The following NALCN variants were observed in gnomAD, a reference collection of about 807,000 sequenced individuals.
NALCN encodes the protein sodium leak channel, non-selective.
A neutral mutation model predicts 225.3 loss-of-function variants in NALCN; 111 were observed. The observed-to-expected ratio is 0.49, with a 90% confidence interval of 0.42 to 0.58. The LOEUF is 0.58. Ranked by LOEUF, NALCN falls within the 20% of genes least tolerant of loss-of-function variation. NALCN has a pLI of 0.00. For synonymous variants in NALCN, 764 were observed against 769.0 expected (o/e 0.99, Z 0.11); for missense variants, 1,378 against 2,202.4 (o/e 0.63, Z 7.49).
At chr13:101,241,391 C>A (rs868700034) in intron 11 of NALCN, among the ~76,000 whole-genome samples, 1 of 152,112 alleles carries the variant, frequency 6.6e-6, no homozygotes, top group Non-Finnish European at 1.5e-5. Flanking sequence ...TCCAACCCCA[C>A]GAGTGGGCAG....
intron 7 of NALCN, among the ~76,000 whole-genome samples, chr13:101,331,378 G>T (rs1193597238): frequency 6.6e-6 from 1 of 152,034 alleles, no homozygotes; most frequent in Non-Finnish European, 1.5e-5. Flanking sequence ...GAAATATTAG[G>T]TATAAAAATT....
chr13:101,323,779 A>G (rs1432400867), intron 7 of NALCN, among the ~76,000 whole-genome samples: 1 of 152,168 alleles, frequency 6.6e-6, no homozygotes, highest in Non-Finnish European at 1.5e-5. Flanking sequence ...AAACAGTCAC[A>G]TGTACTAACA....
At position 101,292,469 on chromosome 13, in the gene NALCN, T is replaced by A; in HGVS notation, c.800-103A>T. On this transcript the variant is annotated intron_variant, in intron 7 of 43. Coordinates refer to ENST00000251127, the MANE Select transcript of NALCN (RefSeq NM_052867.4). The surrounding 1 kb of genome is among the most constrained non-coding windows in gnomAD (Gnocchi z 4.3). ...TATTTATCCATACTTATTTTCTCAA[T>A]GACAAAAGTGCTTCAAAAATTGATT... 2.5e-6 allele frequency: 3 copies of A among 1,211,114 alleles called. No individual in the cohort carries two copies. Among genetic ancestry groups the A allele is most frequent in the Non-Finnish European group, 3.4e-6 (3 of 888,720 alleles). 75.0% of individuals were successfully genotyped at this position (1,211,114 alleles called of 1,614,324 possible). A position where few individuals can be genotyped will look rare whatever the true frequency, so the allele number is the denominator to read the frequency against.
intron 13 of NALCN, among the ~76,000 whole-genome samples, chr13:101,194,450 G>T (rs1402273971): frequency 6.6e-6 from 1 of 152,104 alleles, no homozygotes; most frequent in Non-Finnish European, 1.5e-5. Context: ...TTGCTTGAAG[G>T]GTGCCTTATC....
chr13:101,259,017 A>ATTTATTTTTT (rs1364364033), intron 10 of NALCN, among the ~76,000 whole-genome samples: 6 of 152,216 alleles, frequency 3.9e-5, no homozygotes, highest in Non-Finnish European at 8.8e-5. Flanking sequence ...AAGTAAGAGA[A>ATTTATTTTTT]ACCTGAGATT....
chr13:101,193,152 G>A (rs116830579), intron 13 of NALCN, among the ~76,000 whole-genome samples: 2 of 148,300 alleles, frequency 1.3e-5, no homozygotes, highest in African/African-American at 5.0e-5. Context: ...AAGATGTTAA[G>A]TGATTATCCC....
intron 14 of NALCN, among the ~76,000 whole-genome samples, chr13:101,184,398 T>C (rs1039027978): frequency 6.6e-5 from 10 of 152,236 alleles, no homozygotes; most frequent in Non-Finnish European, 1.5e-5. Context: ...ATATTCTTTA[T>C]GACGCTCCTC....
chr13:101,142,790 C>T, intron 17 of NALCN: 1 of 396,004 alleles, frequency 2.5e-6, no homozygotes, highest in Non-Finnish European at 4.8e-6. Context: ...CTTGGAGATC[C>T]CAGCCCTTTA....
chr13:101,147,334 C>T (rs1385062613), intron 15 of NALCN, among the ~76,000 whole-genome samples: 2 of 150,264 alleles, frequency 1.3e-5, no homozygotes, highest in Non-Finnish European at 2.9e-5. Context: ...ATTCCACTGC[C>T]TTTTTCTTCC....
intron 6 of NALCN, among the ~76,000 whole-genome samples, chr13:101,358,776 C>A (rs2046137560): frequency 6.6e-6 from 1 of 152,132 alleles, no homozygotes; most frequent in Non-Finnish European, 1.5e-5. Flanking sequence ...TTTACAATAG[C>A]AAAGACACGG....
chr13:101,186,665 A>C (rs1251341228), intron 14 of NALCN, among the ~76,000 whole-genome samples: 1 of 152,090 alleles, frequency 6.6e-6, no homozygotes. Flanking sequence ...AGAAATTTAA[A>C]AGTTTGAACA....
At chr13:101,222,130 C>A (rs2040964383) in intron 13 of NALCN, among the ~76,000 whole-genome samples, 1 of 152,164 alleles carries the variant, frequency 6.6e-6, no homozygotes, top group Non-Finnish European at 1.5e-5. Flanking sequence ...TCCTTCTCAA[C>A]AGTGGCATAT....
upstream of NALCN, among the ~76,000 whole-genome samples, chr13:101,416,841 T>G (rs1464373722): frequency 6.6e-6 from 1 of 151,902 alleles, no homozygotes; most frequent in African/African-American, 2.4e-5. Context: ...CGGGGTACAC[T>G]TAAGTGCACT....
intron 18 of NALCN, chr13:101,116,484 T>G (rs1489331519): frequency 1.9e-6 from 1 of 516,690 alleles, no homozygotes; most frequent in Non-Finnish European, 3.9e-6. Flanking sequence ...TAAACACCAC[T>G]AGTTGTTTAT....
At chr13:101,330,403 G>A (rs768908758) in intron 7 of NALCN, among the ~76,000 whole-genome samples, 36 of 152,248 alleles carry the variant, frequency 2.4e-4, no homozygotes, top group Non-Finnish European at 4.0e-4. Flanking sequence ...ATATAAGACA[G>A]TAAGTTGGAG....
At position 101,107,805 on chromosome 13, in the gene NALCN, CAG is replaced by C. The variant is rs750646864; in HGVS notation, c.2365-18_2365-17del. On this transcript the variant is annotated splice_polypyrimidine_tract_variant and intron_variant, in intron 20 of 43. Transcript: ENST00000251127. ...TATTGGAATGCTAGAAATAAATTAACAGGGGGTGTGTTAAAACAGGAGGGTTT... is the reference window on the plus strand; with the variant it reads ...TATTGGAATGCTAGAAATAAATTAACGGGGTGTGTTAAAACAGGAGGGTTT... The C allele has an allele frequency of 6.2e-7, 1 of 1,604,184 alleles. No homozygotes were observed. Among genetic ancestry groups the C allele is most frequent in the Admixed American group, 1.7e-5 (1 of 58,476 alleles).
At chr13:101,145,358 G>A (rs765060688) in intron 15 of NALCN, among the ~76,000 whole-genome samples, 13 of 152,160 alleles carry the variant, frequency 8.5e-5, no homozygotes, top group Non-Finnish European at 1.8e-4. Context: ...ACAATGGCAG[G>A]AAAATTGGTT....
At chr13:101,062,312 G>T (rs957892539) in intron 40 of NALCN, among the ~76,000 whole-genome samples, 194 bp from the exon 41 acceptor site, 1 of 152,148 alleles carries the variant, frequency 6.6e-6, no homozygotes, top group African/African-American at 2.4e-5. Flanking sequence ...GTAAAACAAA[G>T]ATGATAGATA....
chr13:101,345,357 G>A lies in NALCN; in HGVS notation c.708C>T (p.Gly236=). 3 of 1,613,798 alleles carry A rather than the reference G, an allele frequency of 1.9e-6. No homozygotes were observed. Among genetic ancestry groups the A allele is most frequent in the Non-Finnish European group, 2.5e-6 (3 of 1,179,806 alleles). Residue 236 remains glycine (G), a synonymous_variant, in exon 7 of 44, where the codon GGC becomes GGT. Transcript: ENST00000251127. ...ATTTAAATCCAGGTGGGCACTGGTA[G>A]CCTTCTTCTAGCTCTGGTGAGCAGT... ...DTHCSPELEE[G]YQCPPGFKCM...
Sources: gnomAD v4.1 joint callset for allele counts (sites outside exome capture counted in the v4.1 genomes callset) on GRCh38, gnomAD v4.1.1 for gene constraint, Gnocchi (gnomAD v3.1) non-coding constraint, MANE v1.5 for transcripts, NCBI Gene and HGNC (gene_info 2026-07-23, HGNC 2026-07-21) for gene names.